SMARCD3: variants seen among roughly 807,000 people sequenced by gnomAD.
SMARCD3 encodes the protein SWI/SNF related BAF chromatin remodeling complex subunit D3.
In SMARCD3, 14 loss-of-function variants were observed where a neutral mutation model predicts 58.0. That is an observed-to-expected ratio of 0.24 (90% CI 0.16 to 0.38). SMARCD3 has a LOEUF of 0.38. Among genes scored for constraint, SMARCD3 ranks in the 10% least tolerant of loss-of-function variants. The pLI is 1.00. For missense variants in SMARCD3, 408 were observed against 636.9 expected (o/e 0.64, Z 3.87); for synonymous variants, 253 against 253.8 (o/e 1.00, Z 0.03).
chr7:151,257,303 A>G lies in SMARCD3; in HGVS notation c.40-11632T>C, dbSNP rs374432289. ...GCTCCTCCATTCTCCCTGAATCCCA[A>G]TCCTGTCAGATGCAGCTCCCGCTGC... On this transcript the variant is annotated intron_variant, in intron 2 of 13. Transcript: ENST00000356800. Among the ~76,000 whole-genome samples the G allele has an allele frequency of 9.2e-5, 14 of 152,236 alleles. No individual in the cohort carries two copies. The East Asian group carries it at 1.4e-3, about 15-fold the overall frequency.
rs746338970 is a variant in SMARCD3 at position 151,246,744 on chromosome 7, T to C, written c.79-1073A>G. Among the ~76,000 whole-genome samples the C allele has an allele frequency of 1.3e-5, 2 of 151,914 alleles. No individual in the cohort carries two copies. The highest frequency in any genetic ancestry group is 2.9e-5 in the Non-Finnish European group (2 of 67,948). On this transcript the variant is annotated intron_variant, in intron 1 of 12. Coordinates refer to ENST00000262188, the MANE Select transcript of SMARCD3 (RefSeq NM_001003801.2). This position sits in a 1 kb window ranked among gnomAD's most constrained non-coding sequence, Gnocchi z 4.4. ...TGAGATGCAAATGCATCGAGCGAAG[T>C]GTTCCAAACCCCACTTGTCCAGACT...
chr7:151,243,691 TC>T lies in SMARCD3; in HGVS notation c.300del (p.Arg101GlyfsTer47). 6.2e-7 allele frequency: 1 copy of T among 1,611,086 alleles called. No individual in the cohort carries two copies. Among genetic ancestry groups the T allele is most frequent in the Non-Finnish European group, 8.5e-7 (1 of 1,177,290 alleles). ...TAPARSRSAK[R>X]RKMADKILPQ... ...GGGAGGATTTTGTCAGCCATCTTCC[TC>T]CTCTTGGCACTGTACATTTTTTAAA... On this transcript the variant is annotated frameshift_variant, in exon 3 of 13. Transcript: ENST00000262188. LOFTEE classifies it high-confidence loss of function. The surrounding 1 kb of genome is among the most constrained non-coding windows in gnomAD (Gnocchi z 4.4).
intron 2 of SMARCD3, among the ~76,000 whole-genome samples, chr7:151,255,153 AC>A (rs1803659768): frequency 6.6e-6 from 1 of 151,848 alleles, no homozygotes; most frequent in Non-Finnish European, 1.5e-5. Flanking sequence ...ATCAGTCACC[AC>A]AGAAAGCCCC....
In SMARCD3 at chr7:151,239,952, G is replaced by A. The variant is rs138712864; in HGVS notation, c.1173+160C>T. 5.9e-5 allele frequency among the ~76,000 whole-genome samples: 9 copies of A among 151,838 alleles called. No homozygotes were observed. The East Asian group carries it at 1.4e-3, about 23-fold the overall frequency. ...AGGTTCAGCTCCAAGCAGCATGGACGGGCCATGTGTGTCCCATTGGCCCAG... is the reference window on the plus strand; with the variant it reads ...AGGTTCAGCTCCAAGCAGCATGGACAGGCCATGTGTGTCCCATTGGCCCAG... On this transcript the variant is annotated intron_variant, in intron 10 of 12. Transcript: ENST00000262188. This position sits in a 1 kb window ranked among gnomAD's most constrained non-coding sequence, Gnocchi z 7.0.
At position 151,239,605 on chromosome 7, in the gene SMARCD3, CCT is replaced by C; in HGVS notation, c.1296+17_1296+18del. On this transcript the variant is annotated intron_variant, in intron 11 of 12. Coordinates refer to ENST00000262188, the MANE Select transcript of SMARCD3 (RefSeq NM_001003801.2). The surrounding 1 kb of genome is among the most constrained non-coding windows in gnomAD (Gnocchi z 7.0). Reference sequence around the variant, plus strand: ...GTGCTTGTCTTCCACTCCAGTACTCCCTGAGTCTCCCTCTTCACCTTGAGGTC... The same window carrying C: ...GTGCTTGTCTTCCACTCCAGTACTCCGAGTCTCCCTCTTCACCTTGAGGTC... 1 of 1,614,068 alleles carries C rather than the reference CCT, an allele frequency of 6.2e-7. No individual in the cohort carries two copies. Among genetic ancestry groups the C allele is most frequent in the East Asian group, 2.2e-5 (1 of 44,868 alleles).
At chr7:151,257,926 A>G (rs1265222193) in intron 2 of SMARCD3, among the ~76,000 whole-genome samples, 1 of 151,998 alleles carries the variant, frequency 6.6e-6, no homozygotes, top group Non-Finnish European at 1.5e-5. Flanking sequence ...GGACGCATCT[A>G]TCCAATCACC....
At chr7:151,267,754 A>G (rs1291675799) in intron 2 of SMARCD3, among the ~76,000 whole-genome samples, 1 of 152,170 alleles carries the variant, frequency 6.6e-6, no homozygotes, top group Non-Finnish European at 1.5e-5. Flanking sequence ...AGGTGGGCGG[A>G]TTGCTTGAGC....
chr7:151,261,106 G>A (rs1476487193), intron 2 of SMARCD3, among the ~76,000 whole-genome samples: 1 of 152,208 alleles, frequency 6.6e-6, no homozygotes, highest in Non-Finnish European at 1.5e-5. Context: ...ACTAAGGCTG[G>A]CTGTGCTCTC....
chr7:151,248,090 C>A lies in SMARCD3; in HGVS notation c.78+395G>T, dbSNP rs1803359683. Reference sequence around the variant, plus strand: ...GACACTGTCCCAACGGATGAACAGACAGCCCAGCCCAGCCTCTGCCATGTC... The same window carrying A: ...GACACTGTCCCAACGGATGAACAGAAAGCCCAGCCCAGCCTCTGCCATGTC... On this transcript the variant is annotated intron_variant, in intron 1 of 12. Transcript: ENST00000262188. This position sits in a 1 kb window ranked among gnomAD's most constrained non-coding sequence, Gnocchi z 6.1. 6.6e-6 allele frequency among the ~76,000 whole-genome samples: 1 copy of A among 152,280 alleles called. No individual in the cohort carries two copies. Among genetic ancestry groups the A allele is most frequent in the African/African-American group, 2.4e-5 (1 of 41,560 alleles).
At chr7:151,274,587 G>A (rs534206928) in intron 2 of SMARCD3, among the ~76,000 whole-genome samples, 1 of 152,380 alleles carries the variant, frequency 6.6e-6, no homozygotes, top group East Asian at 1.9e-4. Flanking sequence ...CCCTGCCTGG[G>A]GCCCTGAGGG....
chr7:151,248,738 ACGC>A, upstream of SMARCD3: 14 of 1,169,802 alleles, frequency 1.2e-5, no homozygotes, highest in African/African-American at 1.6e-5. The surrounding 1 kb of genome is among the most constrained non-coding windows in gnomAD (Gnocchi z 6.1). Flanking sequence ...CCCACGGCCC[ACGC>A]CGCCGCCGCC....
upstream of SMARCD3, among the ~76,000 whole-genome samples, chr7:151,252,444 A>T (rs369680913): frequency 4.2e-3 from 609 of 146,542 alleles, 1 homozygote; most frequent in African/African-American, 0.015. Context: ...TGTGTGTGAG[A>T]GAGAGAGAGA....
intron 2 of SMARCD3, among the ~76,000 whole-genome samples, chr7:151,257,663 C>T (rs1356595904): frequency 6.6e-6 from 1 of 152,130 alleles, no homozygotes; most frequent in Non-Finnish European, 1.5e-5. Context: ...TATTTCCTCC[C>T]GTGGAGGGAG....
chr7:151,255,460 G>A (rs1309210840), intron 2 of SMARCD3, among the ~76,000 whole-genome samples: 3 of 152,058 alleles, frequency 2.0e-5, no homozygotes, highest in Non-Finnish European at 2.9e-5. Flanking sequence ...GGCTTCCTTT[G>A]TGCGGATTCT....
Position 151,242,393 on chromosome 7 carries a change from C to T in SMARCD3, c.579+88G>A. Reference sequence around the variant, plus strand: ...CCTCCACCCAGCCTGGGCTGACTCCCTAGCCCTTAGTGCAGACACCTTGTT... The same window carrying T: ...CCTCCACCCAGCCTGGGCTGACTCCTTAGCCCTTAGTGCAGACACCTTGTT... On this transcript the variant is annotated intron_variant, in intron 5 of 12. Coordinates refer to ENST00000262188, the MANE Select transcript of SMARCD3 (RefSeq NM_001003801.2). This position sits in a 1 kb window ranked among gnomAD's most constrained non-coding sequence, Gnocchi z 4.7. 7 of 1,554,332 alleles carry T rather than the reference C, an allele frequency of 4.5e-6. No individual in the cohort carries two copies. Among genetic ancestry groups the T allele is most frequent in the Non-Finnish European group, 6.2e-6 (7 of 1,134,066 alleles).
At chr7:151,264,581 T>C (rs1804023384) in intron 2 of SMARCD3, among the ~76,000 whole-genome samples, 1 of 152,176 alleles carries the variant, frequency 6.6e-6, no homozygotes, top group African/African-American at 2.4e-5. Flanking sequence ...GGAGTTCCTC[T>C]GGAGGACGGA....
chr7:151,260,910 A>G (rs994202763), intron 2 of SMARCD3, among the ~76,000 whole-genome samples: 1 of 152,212 alleles, frequency 6.6e-6, no homozygotes, highest in Non-Finnish European at 1.5e-5. Flanking sequence ...AGGCTTGTTC[A>G]TGACCAAGGA....
rs1385822318 is a variant in SMARCD3, at chr7:151,245,797, TGAGCGATGGGTGG to T, written c.79-139_79-127del. The T allele has an allele frequency of 7.9e-6, 3 of 381,416 alleles. No individual in the cohort carries two copies. The highest frequency in any genetic ancestry group is 6.3e-5 in the African/African-American group (3 of 47,792). The allele number at this position is 381,416 out of a possible 1,614,324, so 23.6% of individuals were successfully genotyped here. A position where few individuals can be genotyped will look rare whatever the true frequency, so the allele number is the denominator to read the frequency against. On this transcript the variant is annotated intron_variant, in intron 1 of 12. Coordinates refer to ENST00000262188, the MANE Select transcript of SMARCD3 (RefSeq NM_001003801.2). This position sits in a 1 kb window ranked among gnomAD's most constrained non-coding sequence, Gnocchi z 6.2. The stretch of plus-strand genomic sequence containing the variant: ...ACCCTCGGCTGGTGACCCTGAGCGT[TGAGCGATGGGTGG>T]GAGCGATGGGTAGGAGGGGCAGGGG...
At position 151,245,586 on chromosome 7, in the gene SMARCD3, G is replaced by T; in HGVS notation, c.164C>A (p.Ala55Asp). 8.6e-7 allele frequency: 1 copy of T among 1,165,284 alleles called. No individual in the cohort carries two copies. Among genetic ancestry groups the T allele is most frequent in the Non-Finnish European group, 1.1e-6 (1 of 928,040 alleles). 72.2% of individuals were successfully genotyped at this position (1,165,284 alleles called of 1,614,324 possible). The change falls in exon 2 of 13, where the codon GCC (alanine) becomes GAC (aspartate). Residue 55 changes from alanine to aspartate, a missense_variant. By Grantham distance (126) the Ala-to-Asp change is moderately radical. Coordinates refer to ENST00000262188, the MANE Select transcript of SMARCD3 (RefSeq NM_001003801.2). This position sits in a 1 kb window ranked among gnomAD's most constrained non-coding sequence, Gnocchi z 6.2. ...PPGSPYMGSP[A>D]VRPGLAPAGM... is the part of the protein sequence containing the mutation. ...CGCGGGGGCCAGGCCGGGTCGCACG[G>T]CGGGGCTGCCCATGTACGGGGAGCC...
Sources: allele counts gnomAD v4.1 joint callset (sites outside exome capture counted in the v4.1 genomes callset), GRCh38; gene constraint gnomAD v4.1.1; non-coding constraint Gnocchi (gnomAD v3.1); transcripts MANE v1.5; gene names NCBI Gene and HGNC (gene_info 2026-07-23, HGNC 2026-07-21).